Variants in RFT1 observed in about 807,000 individuals in gnomAD.
RFT1 encodes the protein RFT1 glycolipid translocator homolog, also known as man(5)GlcNAc(2)-PP-dolichol translocation protein RFT1.
A neutral mutation model predicts 62.2 loss-of-function variants in RFT1; 43 were observed. The observed-to-expected ratio is 0.69, with a 90% CI of 0.54 to 0.89. The LOEUF is 0.89. Ranked by LOEUF, RFT1 falls within the 40% of genes least tolerant of loss-of-function variation. The probability of loss-of-function intolerance (pLI) is 0.00; values close to 1 mark genes in which losing one functional copy is unlikely to be tolerated. For missense variants in RFT1, 605 were observed against 649.9 expected, an observed-to-expected ratio of 0.93 and a Z score of 0.75; for synonymous variants, 262 against 264.6, an observed-to-expected ratio of 0.99 and a Z score of 0.10.
At chr3:53,100,410 G>A (rs940954336) in intron 10 of RFT1, among the ~76,000 whole-genome samples, 3 of 152,060 alleles carry the variant, frequency 2.0e-5, no homozygotes, top group African/African-American at 7.2e-5. Context: ...CCTAACCTAC[G>A]ACCCAGCAAT....
At chr3:53,126,065 A>AGCCACATTGTTCTC in intron 1 of RFT1, 71 bp from the exon 2 acceptor site, 2 of 1,239,120 alleles carry the variant, frequency 1.6e-6, no homozygotes, top group Non-Finnish European at 2.3e-6. Context: ...AAATGAGAAC[A>AGCCACATTGTTCTC]ATGTGGCTGT....
At chr3:53,120,045 T>C (rs1701925689) in intron 5 of RFT1, 24 bp from the exon 6 acceptor site, 1 of 1,580,750 alleles carries the variant, frequency 6.3e-7, no homozygotes, top group African/African-American at 1.4e-5. Context: ...TAAACTGTTT[T>C]AATAAAGGCA....
intron 1 of RFT1, among the ~76,000 whole-genome samples, chr3:53,129,258 A>C (rs981103205): frequency 3.3e-5 from 5 of 152,232 alleles, no homozygotes; most frequent in African/African-American, 1.2e-4. Flanking sequence ...TTACCCTAAT[A>C]AAAATAGCTA....
Position 53,103,935 on chromosome 3 carries a change from A to G in RFT1, c.1102+18T>C. The G allele has an allele frequency of 1.2e-6, 2 of 1,614,142 alleles. No individual in the cohort carries two copies. The highest frequency in any genetic ancestry group is 4.5e-5 in the East Asian group (2 of 44,882). ...TGTTGGGAAATCAGAAAAAATCCAG[A>G]AAAACTCTTGTGCGTACCGGATCCT... On this transcript the variant is annotated intron_variant, in intron 10 of 12. Coordinates refer to ENST00000296292, the MANE Select transcript of RFT1 (RefSeq NM_052859.4).
intron 2 of RFT1, among the ~76,000 whole-genome samples, chr3:53,124,868 A>G (rs1257677100): frequency 6.6e-6 from 1 of 152,134 alleles, no homozygotes; most frequent in African/African-American, 2.4e-5. Context: ...GCTGCTCAGG[A>G]GGCTCATACG....
chr3:53,107,045 T>C (rs1243168158), intron 7 of RFT1, among the ~76,000 whole-genome samples, 176 bp from the exon 8 acceptor site: 4 of 152,162 alleles, frequency 2.6e-5, no homozygotes, highest in African/African-American at 9.7e-5. Flanking sequence ...GAGTAACAAT[T>C]TGGAAAGTGC....
At chr3:53,079,133 T>C in the RFT1 span, among the ~76,000 whole-genome samples, 1 of 152,192 alleles carries the variant, frequency 6.6e-6, no homozygotes, top group Admixed American at 6.5e-5. Flanking sequence ...CCAGGACTCC[T>C]GCACAGTTGA....
At chr3:53,071,901 C>A in the RFT1 span, among the ~76,000 whole-genome samples, 3 of 152,308 alleles carry the variant, frequency 2.0e-5, no homozygotes, top group South Asian at 6.2e-4. Context: ...CAGGCACAGC[C>A]CAGTGAGGGG....
chr3:53,090,521 C>G lies in RFT1; in HGVS notation c.*1382G>C, dbSNP rs1700960325. On this transcript the variant is annotated 3_prime_UTR_variant, in exon 13 of 13. Transcript: ENST00000296292. The stretch of plus-strand genomic sequence containing the variant: ...TCCCTCTGAGTAGATAAAAACCTGC[C>G]AGGTGACTGGGCCCCAGTCTTGGTG... 6.6e-6 allele frequency: 1 copy of G among 152,186 alleles called. No individual in the cohort carries two copies. Among genetic ancestry groups the G allele is most frequent in the Non-Finnish European group, 1.5e-5 (1 of 68,046 alleles). 9.4% of individuals were successfully genotyped at this position (152,186 alleles called of 1,614,324 possible).
intron 5 of RFT1, among the ~76,000 whole-genome samples, chr3:53,120,535 G>A (rs1200111591): frequency 6.6e-6 from 1 of 152,190 alleles, no homozygotes; most frequent in Non-Finnish European, 1.5e-5. Flanking sequence ...AGCTACTACA[G>A]ATAGGGGAAG....
At chr3:53,124,090 C>T (rs1052389349) in intron 2 of RFT1, among the ~76,000 whole-genome samples, 4 of 152,290 alleles carry the variant, frequency 2.6e-5, no homozygotes, top group East Asian at 1.9e-4. Flanking sequence ...GCTGCAGTGG[C>T]CTCAAAAGGC....
intron 2 of RFT1, 68 bp downstream of exon 2, chr3:53,125,841 T>C: frequency 2.5e-6 from 3 of 1,199,674 alleles, no homozygotes; most frequent in Non-Finnish European, 3.7e-6. Flanking sequence ...GACAAACAGG[T>C]ACAGAGTTTG....
chr3:53,122,427 G>A lies in RFT1; in HGVS notation c.403C>T (p.Leu135=). The A allele has an allele frequency of 6.2e-7, 1 of 1,613,938 alleles. No individual in the cohort carries two copies. The highest frequency in any genetic ancestry group is 8.5e-7 in the Non-Finnish European group (1 of 1,179,992). ...LFGLSAVVEL[L]GEPFWVLAQA... ...GCCAAGACCCAAAAGGGCTCTCCTA[G>A]AAGCTCCACCACTGCCGAGAGACCA... The change falls in exon 4 of 13, where the codon CTA becomes TTA. Residue 135 remains leucine (L), a synonymous_variant. Coordinates refer to ENST00000296292, the MANE Select transcript of RFT1 (RefSeq NM_052859.4).
At chr3:53,069,647 G>A in the RFT1 span, among the ~76,000 whole-genome samples, 1 of 152,222 alleles carries the variant, frequency 6.6e-6, no homozygotes, top group African/African-American at 2.4e-5. Flanking sequence ...TTAGCAAAGT[G>A]TTAGTACAAC....
At chr3:53,103,084 C>T (rs1317154274) in intron 10 of RFT1, 2 of 984,990 alleles carry the variant, frequency 2.0e-6, no homozygotes, top group Middle Eastern at 5.2e-4. Context: ...GGTGTTTCTC[C>T]AAACTTAATG....
At chr3:53,106,058 C>T (rs549132376) in intron 8 of RFT1, among the ~76,000 whole-genome samples, 1 of 152,076 alleles carries the variant, frequency 6.6e-6, no homozygotes, top group Non-Finnish European at 1.5e-5. Context: ...CACGGAAAAA[C>T]CCTGTCTCTA....
chr3:53,115,758 T>C (rs959539534), intron 6 of RFT1, among the ~76,000 whole-genome samples: 1 of 152,250 alleles, frequency 6.6e-6, no homozygotes. Flanking sequence ...GCTTCCTCCG[T>C]GAAGCCTTCC....
chr3:53,120,878 A>G (rs1197283580), intron 5 of RFT1, among the ~76,000 whole-genome samples: 1 of 152,212 alleles, frequency 6.6e-6, no homozygotes, highest in Non-Finnish European at 1.5e-5. Context: ...GCCTGAGACA[A>G]AGCCCATCAT....
chr3:53,105,283 G>A (rs542079127), intron 9 of RFT1, among the ~76,000 whole-genome samples: 2 of 152,312 alleles, frequency 1.3e-5, no homozygotes, highest in South Asian at 2.1e-4. Context: ...GTGTGGTGGC[G>A]CATGCCTGTA....
Sources: allele counts gnomAD v4.1 joint callset (sites outside exome capture counted in the v4.1 genomes callset), GRCh38; gene constraint gnomAD v4.1.1; transcripts MANE v1.5; gene names NCBI Gene and HGNC (gene_info 2026-07-23, HGNC 2026-07-21).